The following TNRC6B variants were observed in gnomAD, a reference collection of about 807,000 sequenced individuals.
The protein encoded by TNRC6B is trinucleotide repeat containing adaptor 6B, also known as trinucleotide repeat-containing gene 6B protein.
A neutral mutation model predicts 203.6 loss-of-function variants in TNRC6B; 52 were observed. The ratio of observed to expected loss-of-function variants is 0.26; its 90% confidence interval spans 0.20 to 0.32. The LOEUF is 0.32. Among genes scored for constraint, TNRC6B ranks in the 10% least tolerant of loss-of-function variants. The probability of loss-of-function intolerance (pLI) is 1.00; values close to 1 mark genes in which losing one functional copy is unlikely to be tolerated. For missense variants in TNRC6B, 1,923 were observed against 2,286.2 expected, an observed-to-expected ratio of 0.84 and a Z score of 3.24; for synonymous variants, 838 against 845.7, an observed-to-expected ratio of 0.99 and a Z score of 0.16.
In TNRC6B at chr22:40,267,055, T is replaced by C; in HGVS notation, c.2806+19T>C. 1 of 1,519,758 alleles carries C rather than the reference T, an allele frequency of 6.6e-7. No individual in the cohort carries two copies. The highest frequency in any genetic ancestry group is 8.8e-7 in the Non-Finnish European group (1 of 1,136,134). The allele number at this position is 1,519,758 out of a possible 1,614,324, so 94.1% of individuals were successfully genotyped here. A position where few individuals can be genotyped will look rare whatever the true frequency, so the allele number is the denominator to read the frequency against. ...GCATCAGGTAAGCAGTGGCTTTCTC[T>C]TGCAGCTTTTGATGAAGAAAAGGAA... On this transcript the variant is annotated intron_variant, in intron 5 of 22. Coordinates refer to ENST00000454349, the MANE Select transcript of TNRC6B (RefSeq NM_001162501.2).
intron 21 of TNRC6B, among the ~76,000 whole-genome samples, chr22:40,316,365 C>CA (rs555465673): frequency 2.9e-4 from 40 of 137,682 alleles, no homozygotes; most frequent in East Asian, 4.2e-4. Flanking sequence ...AAAAAAAAAA[C>CA]AAAAAAAAAA....
At position 40,108,969 on chromosome 22, in the gene TNRC6B, C is replaced by T. The variant is rs541821362; in HGVS notation, c.-120-8086C>T. Among the ~76,000 whole-genome samples the T allele has an allele frequency of 4.8e-4, 58 of 121,854 alleles. No individual in the cohort carries two copies. The East Asian group carries it at 0.015, about 32-fold the overall frequency. The allele number at this position is 121,854 out of a possible 152,430, so 79.9% of individuals were successfully genotyped here. A position where few individuals can be genotyped will look rare whatever the true frequency, so the allele number is the denominator to read the frequency against. On this transcript the variant is annotated intron_variant, in intron 1 of 23. Transcript: ENST00000301923. Reference sequence around the variant, plus strand: ...CAGCCAACAGGCCCAGTGTGTGTTGCTCCCCTCCCTGTGTCCATGTGTTCT... The same window carrying T: ...CAGCCAACAGGCCCAGTGTGTGTTGTTCCCCTCCCTGTGTCCATGTGTTCT...
At chr22:40,262,318 G>A (rs181150507) in intron 4 of TNRC6B, 145 bp downstream of exon 4, 8 of 720,308 alleles carry the variant, frequency 1.1e-5, no homozygotes, top group African/African-American at 7.2e-5. Context: ...CCTAGTATGC[G>A]ATGTGTATTG....
intron 12 of TNRC6B, among the ~76,000 whole-genome samples, chr22:40,293,733 CA>C (rs1287604028): frequency 6.6e-6 from 1 of 152,054 alleles, no homozygotes; most frequent in Non-Finnish European, 1.5e-5. Context: ...TTCACAGCAG[CA>C]GGGTCTGGGC....
Position 40,066,479 on chromosome 22 carries a change from G to T in TNRC6B, c.-121+21481G>T, listed in dbSNP as rs919986955. Among the ~76,000 whole-genome samples the T allele has an allele frequency of 7.9e-5, 12 of 152,202 alleles. No individual in the cohort carries two copies. In the East Asian group the frequency reaches 2.3e-3, roughly 29 times the overall value. On this transcript the variant is annotated intron_variant, in intron 1 of 23. Transcript: ENST00000301923. The stretch of plus-strand genomic sequence containing the variant: ...CTTCTTTCAGGATGGATTTGATTTT[G>T]AGGAGCAACCAGGAGTATGTTTTCA...
intron 1 of TNRC6B, among the ~76,000 whole-genome samples, chr22:40,055,094 T>C (rs1015383637): frequency 6.6e-6 from 1 of 152,036 alleles, no homozygotes; most frequent in East Asian, 1.9e-4. Flanking sequence ...CACTAAACAT[T>C]TGAATGCATA....
At chr22:40,157,303 G>T (rs1468056175) in intron 4 of TNRC6B, among the ~76,000 whole-genome samples, 1 of 77,538 alleles carries the variant, frequency 1.3e-5, no homozygotes, top group Admixed American at 1.1e-4. Context: ...ATGGGCCAGT[G>T]ATTATGGAAT....
At position 40,333,294 on chromosome 22, in the gene TNRC6B, A is replaced by G; in HGVS notation, c.*10053A>G. 1 of 152,482 alleles carries G rather than the reference A, an allele frequency of 6.6e-6. No homozygotes were observed. Among genetic ancestry groups the G allele is most frequent in the Non-Finnish European group, 1.5e-5 (1 of 68,116 alleles). 9.4% of individuals were successfully genotyped at this position (152,482 alleles called of 1,614,324 possible). A position where few individuals can be genotyped will look rare whatever the true frequency, so the allele number is the denominator to read the frequency against. ...GGAGGTTGCGGTGAGCCGAGATTGCACCACTGCACTCCAGTGTGGGCAACA... is the reference window on the plus strand; with the variant it reads ...GGAGGTTGCGGTGAGCCGAGATTGCGCCACTGCACTCCAGTGTGGGCAACA... On this transcript the variant is annotated 3_prime_UTR_variant, in exon 23 of 23. Coordinates refer to ENST00000454349, the MANE Select transcript of TNRC6B (RefSeq NM_001162501.2).
intron 15 of TNRC6B, 59 bp from the exon 16 acceptor site, chr22:40,308,453 C>T (rs1432634111): frequency 5.0e-6 from 8 of 1,604,166 alleles, no homozygotes; most frequent in Non-Finnish European, 6.8e-6. Flanking sequence ...CTGGACTCTG[C>T]TTCAGAACTC....
intron 1 of TNRC6B, among the ~76,000 whole-genome samples, chr22:40,096,710 C>G (rs60130761): frequency 0.027 from 4,112 of 152,070 alleles, 182 homozygotes; most frequent in African/African-American, 0.095. Flanking sequence ...CAACGAATGT[C>G]TATAAAAAAA....
At position 40,265,944 on chromosome 22, in the gene TNRC6B, C is replaced by T; in HGVS notation, c.1714C>T (p.Gln572Ter). 1 of 1,613,986 alleles carries T rather than the reference C, an allele frequency of 6.2e-7. No individual in the cohort carries two copies. The highest frequency in any genetic ancestry group is 8.5e-7 in the Non-Finnish European group (1 of 1,179,892). Residue 572 changes from glutamine (Q) to a stop codon, truncating the protein, a stop_gained, in exon 5 of 23, where the codon CAA becomes TAA. Transcript: ENST00000454349. LOFTEE classifies it high-confidence loss of function. ...CTCCACAGGAAGTGAAGTTGGAGGT[C>T]AAAGCACTGGAAGCAACCACAAAGC... is the stretch of plus-strand genomic sequence containing the variant. ...SSSTGSEVGG[Q>*]STGSNHKAGS... is the part of the protein sequence containing the mutation.
At chr22:40,202,260 GT>G (rs200101424) in intron 1 of TNRC6B, among the ~76,000 whole-genome samples, 16,494 of 129,632 alleles carry the variant, frequency 0.13, 801 homozygotes, top group East Asian at 0.18. Flanking sequence ...TTGTTTTTTT[GT>G]TTTTTTTTTT....
intron 1 of TNRC6B, among the ~76,000 whole-genome samples, chr22:40,221,176 C>T (rs978465659): frequency 8.5e-5 from 13 of 152,120 alleles, no homozygotes; most frequent in African/African-American, 2.9e-4. Context: ...TTTCACCATT[C>T]CATGTGACAC....
At chr22:40,112,081 C>T (rs929644632) in intron 1 of TNRC6B, among the ~76,000 whole-genome samples, 2 of 152,100 alleles carry the variant, frequency 1.3e-5, no homozygotes, top group African/African-American at 4.8e-5. Context: ...GCCTGGGCAA[C>T]AGAGTGAGAC....
chr22:40,298,107 A>T (rs1255247529), intron 12 of TNRC6B, among the ~76,000 whole-genome samples: 1 of 152,106 alleles, frequency 6.6e-6, no homozygotes, highest in African/African-American at 2.4e-5. Context: ...CCTGAGCAAC[A>T]GAGCGAGACT....
chr22:40,158,901 G>T (rs1050856713), intron 4 of TNRC6B, among the ~76,000 whole-genome samples: 1 of 152,132 alleles, frequency 6.6e-6, no homozygotes, highest in Non-Finnish European at 1.5e-5. Context: ...ACTGCAGTTG[G>T]CAAATGATTA....
intron 12 of TNRC6B, among the ~76,000 whole-genome samples, chr22:40,289,800 C>G (rs2070844157): frequency 6.6e-6 from 1 of 152,194 alleles, no homozygotes; most frequent in South Asian, 2.1e-4. Flanking sequence ...ACTCCACAGA[C>G]TACTCATAGG....
chr22:40,319,672 C>T (rs547945191), intron 21 of TNRC6B, among the ~76,000 whole-genome samples: 1 of 152,266 alleles, frequency 6.6e-6, no homozygotes, highest in East Asian at 1.9e-4. Context: ...GATCTGCCCA[C>T]CTCAGTCTTC....
intron 1 of TNRC6B, among the ~76,000 whole-genome samples, chr22:40,200,600 T>G (rs535709879): frequency 1.7e-4 from 26 of 152,210 alleles, no homozygotes; most frequent in African/African-American, 5.3e-4. Context: ...AAAGTAATAT[T>G]CTTGCCTAAA....
Sources: gnomAD v4.1 joint callset for allele counts (sites outside exome capture counted in the v4.1 genomes callset) on GRCh38, gnomAD v4.1.1 for gene constraint, MANE v1.5 for transcripts, NCBI Gene and HGNC (gene_info 2026-07-23, HGNC 2026-07-21) for gene names.